Variants in COL6A1 observed in about 807,000 individuals in gnomAD.
The protein encoded by COL6A1 is collagen type VI alpha 1 chain, also known as collagen alpha-1(VI) chain.
Under a neutral mutation model 145.6 loss-of-function variants are expected in COL6A1, and 80 were observed. The observed-to-expected ratio is 0.55, with a 90% confidence interval of 0.46 to 0.66. The LOEUF is 0.66. COL6A1 is among the 30% of genes least tolerant of loss of function. The pLI is 0.00. For missense variants in COL6A1, 1,364 were observed against 1,473.8 expected (o/e 0.93, Z 1.22); for synonymous variants, 638 against 622.8 (o/e 1.02, Z -0.36).
chr21:45,985,181 GAGAC>G (rs2077732118), intron 3 of COL6A1, among the ~76,000 whole-genome samples: 2 of 151,326 alleles, frequency 1.3e-5, no homozygotes, highest in South Asian at 2.1e-4. Flanking sequence ...CAGAGACAGA[GAGAC>G]AGAGAGAAGC....
intron 6 of COL6A1, 78 bp downstream of exon 6, chr21:45,987,253 A>T (rs751157870): frequency 1.5e-5 from 24 of 1,570,124 alleles, no homozygotes; most frequent in Non-Finnish European, 1.9e-5. Context: ...TTCAGGACGC[A>T]TGTCCCTATG....
intron 27 of COL6A1, among the ~76,000 whole-genome samples, chr21:45,999,924 T>C (rs868818772): frequency 4.6e-4 from 9 of 19,424 alleles, no homozygotes; most frequent in Non-Finnish European, 7.2e-4. Context: ...ATGGGGGACA[T>C]GTGAGGATCA....
At position 45,994,325 on chromosome 21, in the gene COL6A1, C is replaced by A; in HGVS notation, c.1398+96C>A. 2 of 1,180,526 alleles carry A rather than the reference C, an allele frequency of 1.7e-6. No homozygotes were observed. Among genetic ancestry groups the A allele is most frequent in the Non-Finnish European group, 2.5e-6 (2 of 810,894 alleles). 73.1% of individuals were successfully genotyped at this position (1,180,526 alleles called of 1,614,324 possible). A position where few individuals can be genotyped will look rare whatever the true frequency, so the allele number is the denominator to read the frequency against. On this transcript the variant is annotated intron_variant, in intron 20 of 34. Transcript: ENST00000361866. This position sits in a 1 kb window ranked among gnomAD's most constrained non-coding sequence, Gnocchi z 6.8. The stretch of plus-strand genomic sequence containing the variant: ...CACGCACTGGGGGTCTGTTCATTTC[C>A]GTTTGAGGGCCTCTGTGTTTCCGTA...
chr21:46,002,852 G>A (rs915450511), intron 33 of COL6A1, 142 bp downstream of exon 33: 11 of 1,188,916 alleles, frequency 9.3e-6, no homozygotes, highest in Non-Finnish European at 1.3e-5. Flanking sequence ...GCCGCCCAGG[G>A]CCGTCCCAGA....
intron 28 of COL6A1, among the ~76,000 whole-genome samples, 171 bp from the exon 29 acceptor site, chr21:46,000,588 G>A (rs1181795814): frequency 2.0e-5 from 3 of 151,784 alleles, no homozygotes; most frequent in African/African-American, 2.4e-5. Flanking sequence ...CTGCCACGTG[G>A]GGAGGGCGGC....
rs1321877358 is a variant in COL6A1 at position 46,004,650 on chromosome 21, C to T, written c.*637C>T. On this transcript the variant is annotated 3_prime_UTR_variant, in exon 35 of 35. Transcript: ENST00000361866. ...AGGCCGTTGCAGACATAAATCTCGG[C>T]GACTCGGCCCCGTCTCCTGAGGGTC... 9 of 435,716 alleles carry T rather than the reference C, an allele frequency of 2.1e-5. No individual in the cohort carries two copies. Among genetic ancestry groups the T allele is most frequent in the Non-Finnish European group, 3.7e-5 (8 of 215,080 alleles). 27.0% of individuals were successfully genotyped at this position (435,716 alleles called of 1,614,324 possible).
rs757632221 is a variant in COL6A1 at position 45,984,369 on chromosome 21, C to G, written c.328C>G (p.Arg110Gly). Residue 110 changes from arginine to glycine, a missense_variant, in exon 3 of 35, where the codon CGC becomes GGC. Around this residue, in one of 3 missense-constraint regions of COL6A1, gnomAD observed 414 missense variants for 437.6 expected, o/e 0.95. Transcript: ENST00000361866. ...AGGCCTCACGCGCATGCCTGGCGGC[C>G]GCGACGCACTCAAAAGCAGCGTGGA... ...IQGLTRMPGG[R>G]DALKSSVDAV... is the part of the protein sequence containing the mutation. 1 of 1,612,638 alleles carries G rather than the reference C, an allele frequency of 6.2e-7. No individual in the cohort carries two copies. Among genetic ancestry groups the G allele is most frequent in the Non-Finnish European group, 8.5e-7 (1 of 1,179,898 alleles).
chr21:45,983,180 C>A (rs1363066008), intron 2 of COL6A1, among the ~76,000 whole-genome samples: 5 of 152,224 alleles, frequency 3.3e-5, no homozygotes, highest in African/African-American at 1.2e-4. Context: ...GTTCCGTGGG[C>A]AGTGAGAGCC....
Position 45,987,057 on chromosome 21 carries a change from C to T in COL6A1, c.702C>T (p.Thr234=), listed in dbSNP as rs1458199792. 3 of 1,554,876 alleles carry T rather than the reference C, an allele frequency of 1.9e-6. No homozygotes were observed. The African/African-American group carries it at 4.1e-5, about 21-fold the overall frequency. ...AGGCCATCAGCCAGACCATCGACACCATCGTGGACATGATCGTGAGGCCCC... is the reference window on the plus strand; with the variant it reads ...AGGCCATCAGCCAGACCATCGACACTATCGTGGACATGATCGTGAGGCCCC... The part of the protein sequence containing the change: ...AEEAISQTID[T]IVDMIKNNVE... The change falls in exon 5 of 35, where the codon ACC becomes ACT. Residue 234 remains threonine, a synonymous_variant. Transcript: ENST00000361866.
chr21:45,984,713 G>C (rs1277300089), intron 3 of COL6A1, among the ~76,000 whole-genome samples: 2 of 151,906 alleles, frequency 1.3e-5, no homozygotes, highest in Non-Finnish European at 2.9e-5. Context: ...TAGAGACAGA[G>C]ACAGAGAGAG....
Position 45,989,095 on chromosome 21 carries a change from C to T in COL6A1, c.816C>T (p.Gly272=). Residue 272 remains glycine (G), a synonymous_variant, in exon 9 of 35, where the codon GGC becomes GGT. Coordinates refer to ENST00000361866, the MANE Select transcript of COL6A1 (RefSeq NM_001848.3). ...GTTTTGTGTTCCAGGGAGAACGAGG[C>T]AAGCCGGGGCTCCCAGGAGAGAAGG... The part of the protein sequence containing the change: ...RGDPGFEGER[G]KPGLPGEKGE... The T allele has an allele frequency of 6.2e-7, 1 of 1,611,308 alleles. No homozygotes were observed. The highest frequency in any genetic ancestry group is 8.5e-7 in the Non-Finnish European group (1 of 1,178,928).
intron 14 of COL6A1, 55 bp downstream of exon 14, chr21:45,990,881 G>T: frequency 1.2e-6 from 2 of 1,609,328 alleles, no homozygotes; most frequent in Non-Finnish European, 1.7e-6. Context: ...GCAGCACCTC[G>T]TGTGGACCGT....
chr21:45,999,790 CA>C, intron 27 of COL6A1, 98 bp downstream of exon 27: 16 of 943,234 alleles, frequency 1.7e-5, no homozygotes, highest in Non-Finnish European at 2.1e-5. Flanking sequence ...AGACGCTGCT[CA>C]CGGGGGGGTG....
chr21:46,000,242 AG>A (rs1475410908), intron 27 of COL6A1, 88 bp from the exon 28 acceptor site: 3 of 1,551,734 alleles, frequency 1.9e-6, no homozygotes. Flanking sequence ...TGGGGGCCCC[AG>A]GGAGGGTGAC....
rs774645623 is a variant in COL6A1 at position 45,990,298 on chromosome 21, G to A, written c.957+14G>A. ...AAGGGCTACAAGGTGAGCGTGGGCT[G>A]CTGGGAGGGGGGAGTTCTGCCCCCA... is the stretch of plus-strand genomic sequence containing the variant. On this transcript the variant is annotated intron_variant, in intron 12 of 34. Coordinates refer to ENST00000361866, the MANE Select transcript of COL6A1 (RefSeq NM_001848.3). The A allele has an allele frequency of 1.9e-6, 3 of 1,612,734 alleles. No homozygotes were observed. The highest frequency in any genetic ancestry group is 2.2e-5 in the East Asian group (1 of 44,834).
chr21:45,990,871 G>A, intron 14 of COL6A1, 45 bp downstream of exon 14: 1 of 1,610,694 alleles, frequency 6.2e-7, no homozygotes, highest in Non-Finnish European at 8.5e-7. Context: ...AGCGCTGTCA[G>A]CAGCACCTCG....
rs749679008 is a variant in COL6A1 at position 45,981,982 on chromosome 21, C to A, written c.97+35C>A. On this transcript the variant is annotated intron_variant, in intron 1 of 34. Coordinates refer to ENST00000361866, the MANE Select transcript of COL6A1 (RefSeq NM_001848.3). ...GGCTTGGGGTGCAGGCTCCAGACCC[C>A]CCGCTCTTTGCTGCCGGCCAGGGCC... 11 of 1,525,940 alleles carry A rather than the reference C, an allele frequency of 7.2e-6. No homozygotes were observed. In the South Asian group the frequency reaches 1.2e-4, roughly 16 times the overall value. 94.5% of individuals were successfully genotyped at this position (1,525,940 alleles called of 1,614,324 possible).
intron 14 of COL6A1, 61 bp downstream of exon 14, chr21:45,990,887 AC>A: frequency 6.2e-7 from 1 of 1,609,184 alleles, no homozygotes; most frequent in Non-Finnish European, 8.5e-7. Flanking sequence ...CCTCGTGTGG[AC>A]CGTTTTGACT....
At chr21:45,989,848 C>G (rs1047124671) in intron 11 of COL6A1, 70 bp downstream of exon 11, 3 of 1,592,614 alleles carry the variant, frequency 1.9e-6, no homozygotes, top group Non-Finnish European at 2.6e-6. Flanking sequence ...AGGGTGTCCC[C>G]GGGGATGAGG....
Sources: gnomAD v4.1 joint callset for allele counts (sites outside exome capture counted in the v4.1 genomes callset) on GRCh38, gnomAD v4.1.1 for gene constraint, gnomAD v4.1.1 regional missense constraint, Gnocchi (gnomAD v3.1) non-coding constraint, MANE v1.5 for transcripts, NCBI Gene and HGNC (gene_info 2026-07-23, HGNC 2026-07-21) for gene names.